The following ARMH4 variants were observed in gnomAD, a reference collection of about 807,000 sequenced individuals.
The protein encoded by ARMH4 is armadillo like helical domain containing 4, also known as armadillo-like helical domain-containing protein 4.
ARMH4 carries 49 observed loss-of-function variants against 61.9 expected under a neutral mutation model. The ratio of observed to expected loss-of-function variants is 0.79; its 90% CI spans 0.63 to 1.00. ARMH4 has a LOEUF of 1.00. ARMH4 is among the 50% of genes least tolerant of loss of function. The pLI is 0.00. For missense variants in ARMH4, 934 were observed against 930.0 expected (o/e 1.00, Z -0.06); for synonymous variants, 368 against 341.5 (o/e 1.08, Z -0.85).
intron 5 of ARMH4, among the ~76,000 whole-genome samples, chr14:58,054,869 CAAAAAA>C (rs72336341): frequency 2.9e-5 from 3 of 104,130 alleles, no homozygotes; most frequent in African/African-American, 7.4e-5. Flanking sequence ...GACTCTGTCT[CAAAAAA>C]AAAAAAAAAA....
chr14:58,082,314 C>G (rs1021363844), intron 5 of ARMH4, among the ~76,000 whole-genome samples: 1 of 152,200 alleles, frequency 6.6e-6, no homozygotes, highest in Non-Finnish European at 1.5e-5. Flanking sequence ...AGCGGCTCAC[C>G]TGCTCCTCTC....
At position 58,138,213 on chromosome 14, in the gene ARMH4, T is replaced by C. The variant is rs2139976431; in HGVS notation, c.1146A>G (p.Ile382Met). ...GETHTGTALL[I>M]AHGNERSPAF... Reference sequence around the variant, plus strand: ...CAGGTGATCTCTCATTCCCATGCGCTATTAGCAGGGCTGTGCCCGTGTGTG... The same window carrying C: ...CAGGTGATCTCTCATTCCCATGCGCCATTAGCAGGGCTGTGCCCGTGTGTG... Residue 382 changes from isoleucine to methionine, a missense_variant, in exon 2 of 8, where the codon ATA becomes ATG. Physicochemically the swap from Ile to Met is conservative, Grantham distance 10. Coordinates refer to ENST00000267485, the MANE Select transcript of ARMH4 (RefSeq NM_001001872.4). 1 of 1,614,226 alleles carries C rather than the reference T, an allele frequency of 6.2e-7. No individual in the cohort carries two copies. Among genetic ancestry groups the C allele is most frequent in the East Asian group, 2.2e-5 (1 of 44,884 alleles).
chr14:58,052,859 A>G (rs533436211), intron 5 of ARMH4, among the ~76,000 whole-genome samples: 1 of 152,032 alleles, frequency 6.6e-6, no homozygotes, highest in African/African-American at 2.4e-5. Context: ...ACCAAAACTG[A>G]ACTCGTGATT....
At chr14:58,115,192 AC>A (rs896634142) in intron 4 of ARMH4, among the ~76,000 whole-genome samples, 6 of 152,134 alleles carry the variant, frequency 3.9e-5, no homozygotes, top group African/African-American at 1.4e-4. Flanking sequence ...CAAACTATCC[AC>A]TCAACAAATG....
intron 5 of ARMH4, among the ~76,000 whole-genome samples, chr14:58,022,939 C>A (rs202035841): frequency 3.9e-5 from 6 of 152,184 alleles, no homozygotes; most frequent in Admixed American, 6.5e-5. Context: ...ATAGTATAGT[C>A]TAGTAAGTAT....
rs547864334 is a variant in ARMH4, at chr14:58,004,814, G to C, written c.2257-10C>G. ...TGTTGAATTCTCTCTGCTAGAGAAA[G>C]AAAACAGAAAAGCATTAAACTCTTT... On this transcript the variant is annotated splice_polypyrimidine_tract_variant and intron_variant, in intron 7 of 7. Coordinates refer to ENST00000267485, the MANE Select transcript of ARMH4 (RefSeq NM_001001872.4). 6.2e-7 allele frequency: 1 copy of C among 1,605,302 alleles called. No individual in the cohort carries two copies. The highest frequency in any genetic ancestry group is 8.5e-7 in the Non-Finnish European group (1 of 1,172,764).
chr14:58,146,630 G>T (rs1160186427), intron 1 of ARMH4, among the ~76,000 whole-genome samples: 1 of 152,192 alleles, frequency 6.6e-6, no homozygotes, highest in Non-Finnish European at 1.5e-5. Context: ...CATAGCTACA[G>T]TCCAGAATCT....
Position 58,088,456 on chromosome 14 carries a change from G to GAA in ARMH4, c.2089+8266_2089+8267dup, listed in dbSNP as rs201441722. Among the ~76,000 whole-genome samples the GAA allele has an allele frequency of 2.2e-3, 314 of 140,420 alleles. 2 individuals are homozygous for GAA. The highest frequency in any genetic ancestry group is 7.8e-3 in the African/African-American group (298 of 38,444). 92.1% of individuals were successfully genotyped at this position (140,420 alleles called of 152,430 possible). On this transcript the variant is annotated intron_variant, in intron 5 of 7. Transcript: ENST00000267485. ...AGCACCAGGGTGTCTTAGCTAATGT[G>GAA]AAAAAAAAAAAAAGAGGTCTGCACC...
At chr14:58,083,255 T>C (rs1397874804) in intron 5 of ARMH4, among the ~76,000 whole-genome samples, 3 of 152,180 alleles carry the variant, frequency 2.0e-5, no homozygotes, top group Non-Finnish European at 4.4e-5. Context: ...TAAAAATGTT[T>C]TCAAAATTTA....
Position 58,139,080 on chromosome 14 carries a change from G to A in ARMH4, c.279C>T (p.Asn93=), listed in dbSNP as rs756141560. 3 of 1,614,208 alleles carry A rather than the reference G, an allele frequency of 1.9e-6. No individual in the cohort carries two copies. Among genetic ancestry groups the A allele is most frequent in the Non-Finnish European group, 2.5e-6 (3 of 1,180,034 alleles). ...CAGCTTGTCCAGGCTGGGTTTCTTTGTTAATCGAGAATGCTTTATTTAATG... is the reference window on the plus strand; with the variant it reads ...CAGCTTGTCCAGGCTGGGTTTCTTTATTAATCGAGAATGCTTTATTTAATG... ...ATSLNKAFSI[N]KETQPGQAGL... is the part of the protein sequence containing the mutation. The change falls in exon 2 of 8, where the codon AAC becomes AAT. Residue 93 remains asparagine, a synonymous_variant. Coordinates refer to ENST00000267485, the MANE Select transcript of ARMH4 (RefSeq NM_001001872.4).
At chr14:58,123,616 T>C (rs1463868362) in intron 4 of ARMH4, among the ~76,000 whole-genome samples, 1 of 152,022 alleles carries the variant, frequency 6.6e-6, no homozygotes, top group African/African-American at 2.4e-5. Flanking sequence ...GAGGAAGCAG[T>C]GTGGTTTACA....
At chr14:58,132,574 C>T (rs1887146148) in intron 3 of ARMH4, among the ~76,000 whole-genome samples, 1 of 130,810 alleles carries the variant, frequency 7.6e-6, no homozygotes, top group Non-Finnish European at 1.7e-5. Flanking sequence ...AAACTAAACC[C>T]TTGTCCCTTT....
At chr14:58,145,995 AATGGGAGTTAC>A (rs1262271931) in intron 1 of ARMH4, among the ~76,000 whole-genome samples, 2 of 152,250 alleles carry the variant, frequency 1.3e-5, no homozygotes, top group Non-Finnish European at 2.9e-5. Context: ...AATGTCCCAC[AATGGGAGTTAC>A]ATGATGCTCA....
Position 58,004,729 on chromosome 14 carries a change from G to T in ARMH4, c.*7C>A. On this transcript the variant is annotated 3_prime_UTR_variant, in exon 8 of 8. Transcript: ENST00000267485. ...CGTTGAATATCCCAATTAAAACCCA[G>T]TCCAATTCAAAATTCATCTTCAGAG... 1 of 1,600,088 alleles carries T rather than the reference G, an allele frequency of 6.2e-7. No individual in the cohort carries two copies. Among genetic ancestry groups the T allele is most frequent in the Non-Finnish European group, 8.6e-7 (1 of 1,168,842 alleles).
chr14:58,141,645 C>T (rs1594782892), intron 1 of ARMH4: 5 of 406,512 alleles, frequency 1.2e-5, no homozygotes, highest in Non-Finnish European at 2.3e-5. Flanking sequence ...ACAACCTGTA[C>T]CCCAGGAAGA....
chr14:58,139,345 A>G lies in ARMH4; in HGVS notation c.14T>C (p.Ile5Thr). Residue 5 changes from isoleucine (I) to threonine (T), a missense_variant, in exon 2 of 8, where the codon ATT becomes ACT. Ile to Thr is a moderately conservative substitution (Grantham distance 89). Coordinates refer to ENST00000267485, the MANE Select transcript of ARMH4 (RefSeq NM_001001872.4). Reference sequence around the variant, plus strand: ...GAAAGCCAGACAAATGTGCAATACAATCGGTCCTCTCATAGTGGAAGAGAA... The same window carrying G: ...GAAAGCCAGACAAATGTGCAATACAGTCGGTCCTCTCATAGTGGAAGAGAA... The part of the protein sequence containing the change: MRGP[I>T]VLHICLAFCS... The G allele has an allele frequency of 1.2e-6, 2 of 1,614,038 alleles. No homozygotes were observed. The highest frequency in any genetic ancestry group is 1.7e-6 in the Non-Finnish European group (2 of 1,180,024).
At chr14:58,119,751 C>T (rs1886659361) in intron 4 of ARMH4, among the ~76,000 whole-genome samples, 1 of 152,140 alleles carries the variant, frequency 6.6e-6, no homozygotes, top group African/African-American at 2.4e-5. Context: ...ACCTGATTGC[C>T]TGTTCTTCAT....
intron 5 of ARMH4, among the ~76,000 whole-genome samples, chr14:58,069,198 A>G (rs981010789): frequency 1.2e-4 from 19 of 152,176 alleles, no homozygotes; most frequent in African/African-American, 3.6e-4. Context: ...TGACATTTCC[A>G]TTGAGATAAG....
intron 3 of ARMH4, among the ~76,000 whole-genome samples, chr14:58,132,101 C>G (rs181021062): frequency 3.3e-5 from 5 of 152,278 alleles, no homozygotes; most frequent in Non-Finnish European, 5.9e-5. Flanking sequence ...GATCGAGTGT[C>G]TTTCTCAAAA....
Sources: allele counts gnomAD v4.1 joint callset (sites outside exome capture counted in the v4.1 genomes callset), GRCh38; gene constraint gnomAD v4.1.1; transcripts MANE v1.5; gene names NCBI Gene and HGNC (gene_info 2026-07-23, HGNC 2026-07-21).